The following PEX13 variants were observed in gnomAD, a reference collection of about 807,000 sequenced individuals.
PEX13 encodes peroxisomal biogenesis factor 13.
A neutral mutation model predicts 34.5 loss-of-function variants in PEX13; 28 were observed. The observed-to-expected ratio is 0.81, with a 90% CI of 0.60 to 1.11. The LOEUF (loss-of-function observed/expected upper bound fraction) is 1.11. Among genes scored for constraint, PEX13 ranks in the 50% most tolerant of loss-of-function variants. The pLI is 0.00. For missense variants in PEX13, 550 were observed against 491.0 expected (o/e 1.12, Z -1.13); for synonymous variants, 177 against 175.1 (o/e 1.01, Z -0.09).
intron 1 of PEX13, among the ~76,000 whole-genome samples, chr2:61,022,755 C>T (rs1424589754): frequency 6.6e-6 from 1 of 151,998 alleles, no homozygotes; most frequent in East Asian, 1.9e-4. Context: ...TAGTCCTAGC[C>T]ACTAGGGAGG....
intron 1 of PEX13, among the ~76,000 whole-genome samples, chr2:61,026,638 G>C (rs1002891040): frequency 6.6e-6 from 1 of 150,612 alleles, no homozygotes; most frequent in Admixed American, 6.6e-5. Flanking sequence ...GAGCCACCAC[G>C]CCTGGCCTGT....
In PEX13 at chr2:61,049,239, A is replaced by C. The variant is rs1190477921; in HGVS notation, c.*469A>C. Reference sequence around the variant, plus strand: ...CAACCTTAAGTAATCTCAATAATAAAATTTTCTGATCTGTATTATATCCAG... The same window carrying C: ...CAACCTTAAGTAATCTCAATAATAACATTTTCTGATCTGTATTATATCCAG... On this transcript the variant is annotated 3_prime_UTR_variant, in exon 4 of 4. Coordinates refer to ENST00000295030, the MANE Select transcript of PEX13 (RefSeq NM_002618.4). 1 of 160,308 alleles carries C rather than the reference A, an allele frequency of 6.2e-6. No individual in the cohort carries two copies. The highest frequency in any genetic ancestry group is 1.4e-5 in the Non-Finnish European group (1 of 72,678). 9.9% of individuals were successfully genotyped at this position (160,308 alleles called of 1,614,324 possible).
chr2:61,030,315 A>G (rs537982908), intron 1 of PEX13, among the ~76,000 whole-genome samples: 12 of 152,346 alleles, frequency 7.9e-5, no homozygotes, highest in African/African-American at 2.9e-4. Flanking sequence ...AACGTACATC[A>G]GGTAAAAATC....
At chr2:61,028,918 C>T (rs72809443) in intron 1 of PEX13, among the ~76,000 whole-genome samples, 9 of 151,982 alleles carry the variant, frequency 5.9e-5, no homozygotes, top group Non-Finnish European at 1.2e-4. Flanking sequence ...TACAATGGCT[C>T]ATGCCTGTAA....
At chr2:61,028,492 C>T (rs542283270) in intron 1 of PEX13, among the ~76,000 whole-genome samples, 38 of 151,360 alleles carry the variant, frequency 2.5e-4, no homozygotes, top group East Asian at 5.9e-4. Flanking sequence ...GGGGTTCAAG[C>T]GATTCTCCCT....
intron 2 of PEX13, among the ~76,000 whole-genome samples, chr2:61,045,315 A>ATAGACC (rs1194369280): frequency 1.4e-4 from 21 of 152,328 alleles, no homozygotes; most frequent in African/African-American, 5.1e-4. Context: ...TAACTTCCAA[A>ATAGACC]TAGACCTGTA....
At chr2:61,021,704 C>T (rs1433493705) in intron 1 of PEX13, among the ~76,000 whole-genome samples, 1 of 152,234 alleles carries the variant, frequency 6.6e-6, no homozygotes, top group African/African-American at 2.4e-5. Context: ...TGAGAACGGA[C>T]AGACGGCCTC....
intron 2 of PEX13, among the ~76,000 whole-genome samples, chr2:61,040,512 C>G (rs941820477): frequency 2.0e-5 from 3 of 152,050 alleles, no homozygotes; most frequent in Admixed American, 6.6e-5. Context: ...CGCATGTTCT[C>G]ACTCATAGGT....
At chr2:61,040,777 C>T (rs1434829339) in intron 2 of PEX13, among the ~76,000 whole-genome samples, 1 of 142,450 alleles carries the variant, frequency 7.0e-6, no homozygotes, top group Non-Finnish European at 1.5e-5. Flanking sequence ...ATATATATAC[C>T]TATATATTAA....
intron 2 of PEX13, among the ~76,000 whole-genome samples, chr2:61,034,627 C>T (rs959515361): frequency 6.6e-6 from 1 of 152,230 alleles, no homozygotes; most frequent in Non-Finnish European, 1.5e-5. Flanking sequence ...TTCCTATGGT[C>T]CTCGCAACTG....
chr2:61,028,201 T>C (rs1183646434), intron 1 of PEX13, among the ~76,000 whole-genome samples: 2 of 152,198 alleles, frequency 1.3e-5, no homozygotes, highest in African/African-American at 4.8e-5. Context: ...GCTTCACAAA[T>C]GCGCCTCCTA....
chr2:61,019,769 C>T (rs1680216382), intron 1 of PEX13, among the ~76,000 whole-genome samples: 1 of 152,220 alleles, frequency 6.6e-6, no homozygotes, highest in South Asian at 2.1e-4. Context: ...TTTTATAAGT[C>T]TTGATATGTA....
rs539283779 is a variant in PEX13 at position 61,029,656 on chromosome 2, C to T, written c.93-1763C>T. Among the ~76,000 whole-genome samples, 36 of 152,128 alleles carry T rather than the reference C, an allele frequency of 2.4e-4. 1 individual carries two copies. The South Asian group carries it at 6.4e-3, about 27-fold the overall frequency. On this transcript the variant is annotated intron_variant, in intron 1 of 3. Coordinates refer to ENST00000295030, the MANE Select transcript of PEX13 (RefSeq NM_002618.4). ...CAACCAACTGTGGATCAAAAATATTCGGAAAATAGGCCAGACGTGTTGGCT... is the reference window on the plus strand; with the variant it reads ...CAACCAACTGTGGATCAAAAATATTTGGAAAATAGGCCAGACGTGTTGGCT...
intron 2 of PEX13, among the ~76,000 whole-genome samples, chr2:61,035,422 G>C (rs187672556): frequency 2.7e-4 from 41 of 152,292 alleles, no homozygotes; most frequent in Non-Finnish European, 2.2e-4. Flanking sequence ...CTTCTCCAAA[G>C]GATCGCAGCT....
rs1680788528 is a variant in PEX13, at chr2:61,050,969, C to T, written c.*2199C>T. On this transcript the variant is annotated 3_prime_UTR_variant, in exon 4 of 4. Transcript: ENST00000295030. ...CTATGTTCAACAAATAAGTAATTCTCGAATAGTTCAGATTAAAACATACAG... is the reference window on the plus strand; with the variant it reads ...CTATGTTCAACAAATAAGTAATTCTTGAATAGTTCAGATTAAAACATACAG... 1 of 152,284 alleles carries T rather than the reference C, an allele frequency of 6.6e-6. No individual in the cohort carries two copies. The allele number at this position is 152,284 out of a possible 1,614,324, so 9.4% of individuals were successfully genotyped here. A position where few individuals can be genotyped will look rare whatever the true frequency, so the allele number is the denominator to read the frequency against.
chr2:61,018,246 CAA>C (rs1680147973), intron 1 of PEX13: 3 of 1,550,950 alleles, frequency 1.9e-6, no homozygotes, highest in African/African-American at 2.7e-5. Context: ...CGACAGGGAG[CAA>C]AGTCTCTCCT....
chr2:61,042,426 A>C (rs1479218684), intron 2 of PEX13, among the ~76,000 whole-genome samples: 1 of 152,212 alleles, frequency 6.6e-6, no homozygotes. Flanking sequence ...TATGACACAC[A>C]AGAAAAAAGT....
At chr2:61,040,578 G>T (rs1264814097) in intron 2 of PEX13, among the ~76,000 whole-genome samples, 2 of 152,014 alleles carry the variant, frequency 1.3e-5, no homozygotes, top group East Asian at 1.9e-4. Flanking sequence ...ACACACTGGG[G>T]CCTGTCAGGG....
chr2:61,044,640 C>T (rs1680677777), intron 2 of PEX13, among the ~76,000 whole-genome samples: 1 of 152,184 alleles, frequency 6.6e-6, no homozygotes, highest in Non-Finnish European at 1.5e-5. Context: ...CCCGCCTCGG[C>T]CTCCCAAAGT....
Sources: allele counts gnomAD v4.1 joint callset (sites outside exome capture counted in the v4.1 genomes callset), GRCh38; gene constraint gnomAD v4.1.1; transcripts MANE v1.5; gene names NCBI Gene and HGNC (gene_info 2026-07-23, HGNC 2026-07-21).